KCTD16: variants seen among roughly 807,000 people sequenced by gnomAD.
KCTD16 encodes BTB/POZ domain-containing protein KCTD16.
Under a neutral mutation model 33.2 loss-of-function variants are expected in KCTD16, and 13 were observed. The ratio of observed to expected loss-of-function variants is 0.39; its 90% CI spans 0.25 to 0.62. The LOEUF is 0.62. Among genes scored for constraint, KCTD16 ranks in the 20% least tolerant of loss-of-function variants. The pLI is 0.50. For missense variants in KCTD16, 441 were observed against 525.1 expected (o/e 0.84, Z 1.57); for synonymous variants, 197 against 195.3 (o/e 1.01, Z -0.07).
intron 3 of KCTD16, among the ~76,000 whole-genome samples, chr5:144,240,201 ATAT>A (rs1754364021): frequency 6.6e-6 from 1 of 152,180 alleles, no homozygotes; most frequent in South Asian, 2.1e-4. Context: ...ATTTGCCACC[ATAT>A]TATGTCACTT....
intron 3 of KCTD16, among the ~76,000 whole-genome samples, chr5:144,446,412 G>A (rs1156643840): frequency 6.6e-6 from 1 of 151,856 alleles, no homozygotes; most frequent in African/African-American, 2.4e-5. Flanking sequence ...AACTCAAGAT[G>A]GAATAAAGAT....
At chr5:144,203,450 G>T (rs1753087540) in intron 2 of KCTD16, among the ~76,000 whole-genome samples, 1 of 152,154 alleles carries the variant, frequency 6.6e-6, no homozygotes, top group African/African-American at 2.4e-5. Flanking sequence ...ATCCTGAAGA[G>T]TCAGTGGTCT....
chr5:144,219,542 A>G (rs1228599664), intron 3 of KCTD16, among the ~76,000 whole-genome samples: 3 of 60,308 alleles, frequency 5.0e-5, no homozygotes, highest in Admixed American at 2.2e-4. Context: ...TTTTTTTGAG[A>G]CGGAGTCTCG....
At chr5:144,466,578 C>T (rs1484166186) in intron 3 of KCTD16, among the ~76,000 whole-genome samples, 1 of 152,070 alleles carries the variant, frequency 6.6e-6, no homozygotes, top group African/African-American at 2.4e-5. Context: ...TAAACTCTTT[C>T]ACTCTGTTAA....
chr5:144,417,328 G>T lies in KCTD16; in HGVS notation c.833-56332G>T, dbSNP rs912699479. ...ATACTTATATTAGTGGATATCAAAT[G>T]GTGCCTCATTGTGATTTTCATTTGC... On this transcript the variant is annotated intron_variant, in intron 3 of 3. Transcript: ENST00000512467. Among the ~76,000 whole-genome samples, 10 of 152,040 alleles carry T rather than the reference G, an allele frequency of 6.6e-5. No homozygotes were observed. The East Asian group carries it at 1.7e-3, about 26-fold the overall frequency.
At chr5:144,262,347 G>A (rs1373334009) in intron 3 of KCTD16, among the ~76,000 whole-genome samples, 9 of 152,148 alleles carry the variant, frequency 5.9e-5, no homozygotes, top group Admixed American at 3.9e-4. Context: ...TGCAGAGGAA[G>A]GACAAAACTT....
chr5:144,458,170 G>T (rs1754112985), intron 3 of KCTD16, among the ~76,000 whole-genome samples: 1 of 152,130 alleles, frequency 6.6e-6, no homozygotes, highest in Admixed American at 6.5e-5. Flanking sequence ...ACCAAGCAGA[G>T]CACTTTCCAT....
intron 2 of KCTD16, among the ~76,000 whole-genome samples, chr5:144,192,959 T>C (rs535175577): frequency 6.6e-6 from 1 of 152,308 alleles, no homozygotes; most frequent in Non-Finnish European, 1.5e-5. Context: ...CTGTTAGCTT[T>C]GTGTCAAATG....
chr5:144,191,179 T>A (rs571237944), intron 2 of KCTD16, among the ~76,000 whole-genome samples: 10 of 152,310 alleles, frequency 6.6e-5, no homozygotes, highest in Non-Finnish European at 1.2e-4. Flanking sequence ...GTGGGGACAT[T>A]GAATGGGAAT....
At chr5:144,219,063 A>G (rs1172298585) in intron 3 of KCTD16, among the ~76,000 whole-genome samples, 1 of 152,138 alleles carries the variant, frequency 6.6e-6, no homozygotes, top group African/African-American at 2.4e-5. Flanking sequence ...TTTTCTTCCT[A>G]ACACATCAGA....
chr5:144,277,223 T>A (rs1426579422), intron 3 of KCTD16, among the ~76,000 whole-genome samples: 1 of 152,214 alleles, frequency 6.6e-6, no homozygotes, highest in African/African-American at 2.4e-5. Context: ...TTGGTGACCC[T>A]CCTAGTCTGG....
intron 3 of KCTD16, among the ~76,000 whole-genome samples, chr5:144,266,213 G>A (rs1755138080): frequency 6.6e-6 from 1 of 152,118 alleles, no homozygotes; most frequent in South Asian, 2.1e-4. Flanking sequence ...ATGTATATGA[G>A]TACATTGTCT....
chr5:144,207,028 G>A lies in KCTD16; in HGVS notation c.314G>A (p.Arg105Lys). The change falls in exon 3 of 4, where the codon AGA (arginine) becomes AAA (lysine). Residue 105 changes from arginine to lysine, a missense_variant. Coordinates refer to ENST00000512467, the MANE Select transcript of KCTD16 (RefSeq NM_020768.4). ...VLPDHFPEKGRLKREAEYFQL... is the reference protein window; with the variant it reads ...VLPDHFPEKGKLKREAEYFQL... ...CCTGATCACTTTCCAGAAAAAGGAA[G>A]ACTGAAAAGGGAAGCTGAATACTTC... The A allele has an allele frequency of 6.2e-7, 1 of 1,614,098 alleles. No homozygotes were observed. Among genetic ancestry groups the A allele is most frequent in the South Asian group, 1.1e-5 (1 of 91,072 alleles).
chr5:144,189,244 G>A (rs1419707290), intron 2 of KCTD16, among the ~76,000 whole-genome samples: 1 of 152,166 alleles, frequency 6.6e-6, no homozygotes, highest in Non-Finnish European at 1.5e-5. Flanking sequence ...TGTAATCCCA[G>A]GACTTTGGGA....
chr5:144,473,545 G>A (rs1754525057), intron 3 of KCTD16, 115 bp from the exon 4 acceptor site: 2 of 1,100,612 alleles, frequency 1.8e-6, no homozygotes, highest in East Asian at 4.9e-5. Flanking sequence ...TTTTCTAAAA[G>A]CATGGTTCTG....
chr5:144,247,055 G>C (rs943747756), intron 3 of KCTD16, among the ~76,000 whole-genome samples: 5 of 152,250 alleles, frequency 3.3e-5, no homozygotes, highest in African/African-American at 9.6e-5. Flanking sequence ...TAGTTTATTA[G>C]GTAAAGCACT....
intron 3 of KCTD16, among the ~76,000 whole-genome samples, chr5:144,224,218 T>C (rs1348070683): frequency 1.3e-5 from 2 of 152,110 alleles, no homozygotes; most frequent in Non-Finnish European, 2.9e-5. Flanking sequence ...CATTTTTTTT[T>C]ATAACAACAA....
At chr5:144,278,142 TG>T (rs1755489445) in intron 3 of KCTD16, among the ~76,000 whole-genome samples, 1 of 152,160 alleles carries the variant, frequency 6.6e-6, no homozygotes, top group African/African-American at 2.4e-5. Context: ...CTTCTAAAAG[TG>T]TAATAGTTTA....
At position 144,400,657 on chromosome 5, in the gene KCTD16, A is replaced by G. The variant is rs920980570; in HGVS notation, c.833-73003A>G. Among the ~76,000 whole-genome samples, 4 of 152,316 alleles carry G rather than the reference A, an allele frequency of 2.6e-5. No homozygotes were observed. The South Asian group carries it at 8.3e-4, about 32-fold the overall frequency. On this transcript the variant is annotated intron_variant, in intron 3 of 3. Coordinates refer to ENST00000512467, the MANE Select transcript of KCTD16 (RefSeq NM_020768.4). ...CTGAGAATTCAATGATGACTGAAGCAGATAAGGTCTCTACCTACATAGATC... is the reference window on the plus strand; with the variant it reads ...CTGAGAATTCAATGATGACTGAAGCGGATAAGGTCTCTACCTACATAGATC...
Sources: allele counts gnomAD v4.1 joint callset (sites outside exome capture counted in the v4.1 genomes callset), GRCh38; gene constraint gnomAD v4.1.1; transcripts MANE v1.5; gene names NCBI Gene and HGNC (gene_info 2026-07-23, HGNC 2026-07-21).